Variants in TERF1 observed in about 807,000 individuals in gnomAD.
TERF1 encodes telomeric repeat-binding factor 1.
In TERF1, 20 loss-of-function variants were observed where a neutral mutation model predicts 55.1. The observed-to-expected ratio is 0.36, with a 90% CI of 0.26 to 0.53. The LOEUF (loss-of-function observed/expected upper bound fraction) is 0.53, where lower values mean the gene tolerates loss of function less well. TERF1 is among the 20% of genes least tolerant of loss of function. The pLI, the probability that TERF1 is intolerant of heterozygous loss-of-function variation, is 0.91. For synonymous variants in TERF1, 168 were observed against 181.2 expected, an observed-to-expected ratio of 0.93 and a Z score of 0.59; for missense variants, 439 against 535.7, an observed-to-expected ratio of 0.82 and a Z score of 1.78.
rs1563479518 is a variant in TERF1, at chr8:73,048,068, C to CA, written c.*1938dup. 6.6e-6 allele frequency: 1 copy of CA among 151,962 alleles called. No homozygotes were observed. The highest frequency in any genetic ancestry group is 2.4e-5 in the African/African-American group (1 of 41,386). 9.4% of individuals were successfully genotyped at this position (151,962 alleles called of 1,614,324 possible). A position where few individuals can be genotyped will look rare whatever the true frequency, so the allele number is the denominator to read the frequency against. Reference sequence around the variant, plus strand: ...ATTTTTATCACATAACTTGTGGATACAAAAAAAGAGAAATTGTAAGCAAAA... The same window carrying CA: ...ATTTTTATCACATAACTTGTGGATACAAAAAAAAGAGAAATTGTAAGCAAAA... On this transcript the variant is annotated 3_prime_UTR_variant, in exon 10 of 10. Coordinates refer to ENST00000276603, the MANE Select transcript of TERF1 (RefSeq NM_017489.3).
intron 2 of TERF1, among the ~76,000 whole-genome samples, chr8:73,020,036 G>A (rs191831610): frequency 6.6e-6 from 1 of 152,266 alleles, no homozygotes; most frequent in East Asian, 1.9e-4. Flanking sequence ...GTCTTACTGA[G>A]CCATTCCAAG....
chr8:73,033,750 A>G (rs987759386), intron 8 of TERF1, among the ~76,000 whole-genome samples: 2 of 152,156 alleles, frequency 1.3e-5, no homozygotes, highest in Non-Finnish European at 2.9e-5. Context: ...CTCGAAGACT[A>G]TAAACTCTTT....
chr8:73,022,347 T>TAA, intron 4 of TERF1, 45 bp downstream of exon 4: 1 of 1,238,318 alleles, frequency 8.1e-7, no homozygotes, highest in East Asian at 2.5e-5. Context: ...AGTGTTTATG[T>TAA]AGAGTGAGGA....
At chr8:73,035,036 A>G (rs1809453702) in intron 8 of TERF1, among the ~76,000 whole-genome samples, 1 of 152,202 alleles carries the variant, frequency 6.6e-6, no homozygotes, top group Admixed American at 6.5e-5. Context: ...ATTTACATTT[A>G]ATTTTTAATA....
intron 1 of TERF1, 117 bp downstream of exon 1, chr8:73,009,322 G>A: frequency 2.3e-6 from 1 of 437,552 alleles, no homozygotes; most frequent in South Asian, 4.9e-5. Flanking sequence ...CGGCCGATTA[G>A]CTGGGAGTCC....
chr8:73,040,042 A>T (rs1057316390), intron 9 of TERF1, among the ~76,000 whole-genome samples: 2 of 137,606 alleles, frequency 1.5e-5, no homozygotes, highest in Non-Finnish European at 3.0e-5. Flanking sequence ...CAAATAGTTC[A>T]TACTGAGGTG....
At chr8:73,031,558 A>T (rs1809286679) in intron 7 of TERF1, 1 of 152,270 alleles carries the variant, frequency 6.6e-6, no homozygotes, top group Admixed American at 6.5e-5. Flanking sequence ...TTTCAAAAAA[A>T]ATGATGCCAC....
At chr8:73,019,438 A>T (rs140258116) in intron 2 of TERF1, among the ~76,000 whole-genome samples, 1 of 152,318 alleles carries the variant, frequency 6.6e-6, no homozygotes, top group African/African-American at 2.4e-5. Context: ...GTCCATTAGC[A>T]GGTTCTATTC....
At chr8:73,025,541 A>C (rs1003122434) in intron 5 of TERF1, among the ~76,000 whole-genome samples, 1 of 151,272 alleles carries the variant, frequency 6.6e-6, no homozygotes, top group African/African-American at 2.4e-5. Flanking sequence ...TCACACGGTC[A>C]GGCGGATCAC....
chr8:73,028,995 C>T (rs1364013770), intron 6 of TERF1, among the ~76,000 whole-genome samples: 2 of 152,012 alleles, frequency 1.3e-5, no homozygotes, highest in Non-Finnish European at 2.9e-5. Flanking sequence ...TTACAGGGAA[C>T]AAAACTAAAA....
At chr8:73,010,619 A>G (rs1808244543) in intron 1 of TERF1, 1 of 152,236 alleles carries the variant, frequency 6.6e-6, no homozygotes. Context: ...AGTTTAGTTT[A>G]AAGACCTCAC....
intron 4 of TERF1, among the ~76,000 whole-genome samples, chr8:73,023,904 T>A (rs1230543871): frequency 6.6e-6 from 1 of 152,208 alleles, no homozygotes; most frequent in Non-Finnish European, 1.5e-5. Context: ...GCAAAATATT[T>A]TAAGCATGCA....
chr8:73,030,665 G>A lies in TERF1; in HGVS notation c.947+270G>A, dbSNP rs141636966. 355 of 287,828 alleles carry A rather than the reference G, an allele frequency of 1.2e-3. 3 individuals are homozygous for A. Among genetic ancestry groups the A allele is most frequent in the African/African-American group, 7.0e-3 (325 of 46,164 alleles). 17.8% of individuals were successfully genotyped at this position (287,828 alleles called of 1,614,324 possible). A position where few individuals can be genotyped will look rare whatever the true frequency, so the allele number is the denominator to read the frequency against. ...TTCTTGAGCTTAAAACAGATGTTTAGTAAACACTTCTCTGTCACAGAAACA... is the reference window on the plus strand; with the variant it reads ...TTCTTGAGCTTAAAACAGATGTTTAATAAACACTTCTCTGTCACAGAAACA... On this transcript the variant is annotated intron_variant, in intron 7 of 9. Coordinates refer to ENST00000276603, the MANE Select transcript of TERF1 (RefSeq NM_017489.3).
intron 1 of TERF1, among the ~76,000 whole-genome samples, chr8:73,013,261 A>G (rs1808353359): frequency 6.6e-6 from 1 of 152,232 alleles, no homozygotes. Context: ...TCCTCTGTGC[A>G]GAAGATACTT....
chr8:73,039,192 T>C lies in TERF1; in HGVS notation c.1116T>C (p.Pro372=), dbSNP rs1162275835. 6 of 1,604,904 alleles carry C rather than the reference T, an allele frequency of 3.7e-6. No individual in the cohort carries two copies. The highest frequency in any genetic ancestry group is 1.7e-4 in the Middle Eastern group (1 of 6,034). The change falls in exon 9 of 10, where the codon CCT becomes CCC. Residue 372 remains proline, a synonymous_variant. Coordinates refer to ENST00000276603, the MANE Select transcript of TERF1 (RefSeq NM_017489.3). ...TTTCAAAGAGTCAGCCGGTAACTCC[T>C]GAAAAACATCGAGCTAGAAAAAGAC... is the stretch of plus-strand genomic sequence containing the variant. The part of the protein sequence containing the change: ...IPVSKSQPVT[P]EKHRARKRQA...
intron 1 of TERF1, 24 bp from the exon 2 acceptor site, chr8:73,013,871 A>C: frequency 6.5e-7 from 1 of 1,529,852 alleles, no homozygotes; most frequent in Non-Finnish European, 9.0e-7. Context: ...GATTTTAATA[A>C]AATTTACTTT....
chr8:73,020,232 A>G (rs1386337419), intron 2 of TERF1, among the ~76,000 whole-genome samples: 1 of 152,196 alleles, frequency 6.6e-6, no homozygotes, highest in Non-Finnish European at 1.5e-5. Flanking sequence ...TAACTTGATC[A>G]CAACTCTTTT....
At chr8:73,037,622 T>C (rs1263824186) in intron 8 of TERF1, among the ~76,000 whole-genome samples, 1 of 103,738 alleles carries the variant, frequency 9.6e-6, no homozygotes, top group Non-Finnish European at 1.8e-5. Context: ...ATATATATTA[T>C]ATATTATATA....
chr8:73,037,970 C>G (rs974181515), intron 8 of TERF1, among the ~76,000 whole-genome samples: 2 of 135,534 alleles, frequency 1.5e-5, no homozygotes, highest in Non-Finnish European at 3.1e-5. Flanking sequence ...TTTTTCCCCC[C>G]GAATATTTTA....
Sources: gnomAD v4.1 joint callset for allele counts (sites outside exome capture counted in the v4.1 genomes callset) on GRCh38, gnomAD v4.1.1 for gene constraint, MANE v1.5 for transcripts, NCBI Gene and HGNC (gene_info 2026-07-23, HGNC 2026-07-21) for gene names.